Variants in FTCD observed in about 807,000 individuals in gnomAD.
The protein encoded by FTCD is formimidoyltransferase-cyclodeaminase.
Under a neutral mutation model 62.9 loss-of-function variants are expected in FTCD, and 76 were observed. The observed-to-expected ratio is 1.21, with a 90% confidence interval of 1.00 to 1.46. The LOEUF (loss-of-function observed/expected upper bound fraction) is 1.46. Among genes scored for constraint, FTCD ranks in the 40% most tolerant of loss-of-function variants. The pLI is 0.00. For missense variants in FTCD, 845 were observed against 751.3 expected (o/e 1.12, Z -1.46); for synonymous variants, 397 against 336.9 (o/e 1.18, Z -1.95).
intron 10 of FTCD, among the ~76,000 whole-genome samples, chr21:46,143,421 A>ACC (rs2079062610): frequency 6.6e-6 from 1 of 151,258 alleles, no homozygotes; most frequent in African/African-American, 2.4e-5. Flanking sequence ...CAGGCAAGAG[A>ACC]CCGAGGGCAC....
At chr21:46,147,417 G>A (rs375468056) in intron 7 of FTCD, among the ~76,000 whole-genome samples, 1 of 152,312 alleles carries the variant, frequency 6.6e-6, no homozygotes. Context: ...GCTTCAGGGG[G>A]TCCTGTGAGG....
rs1186854761 is a variant in FTCD at position 46,137,337 on chromosome 21, G to A, written c.1444-3C>T. On this transcript the variant is annotated splice_region_variant and splice_polypyrimidine_tract_variant and intron_variant, in intron 12 of 13. Transcript: ENST00000397746. ...ATCTCCAGGGCTTTGGCCGCCACCT[G>A]CAAGGACCCCAGGGAGCCCCTACAT... 27 of 1,610,386 alleles carry A rather than the reference G, an allele frequency of 1.7e-5. No homozygotes were observed. The highest frequency in any genetic ancestry group is 2.3e-5 in the Non-Finnish European group (27 of 1,177,260).
At position 46,142,800 on chromosome 21, in the gene FTCD, C is replaced by CG. The variant is rs2079050943; in HGVS notation, c.1260+2616_1260+2617insC. On this transcript the variant is annotated intron_variant, in intron 10 of 13. Coordinates refer to ENST00000397746, the MANE Select transcript of FTCD (RefSeq NM_206965.2). The stretch of plus-strand genomic sequence containing the variant: ...CCACTTTACAGAGTGCTGATTGGTC[C>CG]ATTTTACAGAGTGCTGATTGGTCCG... The CG allele has an allele frequency of 1.9e-4, 29 of 152,272 alleles. 1 individual carries two copies. The highest frequency in any genetic ancestry group is 1.4e-3 in the Admixed American group (21 of 15,292). The allele number at this position is 152,272 out of a possible 1,614,324, so 9.4% of individuals were successfully genotyped here.
In FTCD at chr21:46,152,959, C is replaced by T; in HGVS notation, c.315G>A (p.Val105=). 6.4e-7 allele frequency: 1 copy of T among 1,561,608 alleles called. No individual in the cohort carries two copies. ...TCTGGCCAAAGGCCTGGGCGCAGAG[C>T]ACACACTCATCCACGCTGACGCCCC... ...PVRGVSVDEC[V]LCAQAFGQRL... Residue 105 remains valine, a synonymous_variant, in exon 3 of 14, where the codon GTG becomes GTA. Coordinates refer to ENST00000397746, the MANE Select transcript of FTCD (RefSeq NM_206965.2).
intron 7 of FTCD, chr21:46,146,577 G>T (rs2079153089): frequency 1.7e-6 from 1 of 580,334 alleles, no homozygotes; most frequent in African/African-American, 1.9e-5. Flanking sequence ...TTGCCCTTGG[G>T]GAACCTGAGG....
Position 46,145,464 on chromosome 21 carries a change from G to C in FTCD, c.1213C>G (p.Leu405Val), listed in dbSNP as rs1045839801. 21 of 1,560,314 alleles carry C rather than the reference G, an allele frequency of 1.3e-5. No homozygotes were observed. The highest frequency in any genetic ancestry group is 1.7e-5 in the Non-Finnish European group (20 of 1,153,168). Residue 405 changes from leucine to valine, a missense_variant, in exon 10 of 14, where the codon CTA (leucine) becomes GTA (valine). Transcript: ENST00000397746. ...IPPFREASAK[L>V]TTLVDADAEA... ...GCGTCGGCATCCACCAGCGTGGTTA[G>C]CTTGGCCGAAGCCTCGCGGAAGGGC...
In FTCD at chr21:46,150,566, C is replaced by T. The variant is rs772426841; in HGVS notation, c.637-41G>A. 1.2e-5 allele frequency: 20 copies of T among 1,609,964 alleles called. No homozygotes were observed. The Admixed American group carries it at 2.5e-4, about 20-fold the overall frequency. ...GTTCCCCAGCCTGGACTAGGAAGCT[C>T]ATCCTGCCTGGCCCTGCCAGTCTCT... On this transcript the variant is annotated intron_variant, in intron 5 of 13. Coordinates refer to ENST00000397746, the MANE Select transcript of FTCD (RefSeq NM_206965.2).
rs1272863849 is a variant in FTCD at position 46,136,989 on chromosome 21, A to C, written c.1624T>G (p.Ter542GlyextTer37). ...VLDCLETRQE[*>G] is the part of the protein sequence containing the mutation. ...GCCCGGAGAGGCCTCCCGCACCGTC[A>C]CTCCTGCCGGGTCTCCAAGCAGTCC... Residue 542 changes from the stop codon to glycine (G), a stop_lost, in exon 14 of 14, where the codon TGA (stop) becomes GGA (glycine). Transcript: ENST00000397746. 1.2e-6 allele frequency: 2 copies of C among 1,612,952 alleles called. No homozygotes were observed. Among genetic ancestry groups the C allele is most frequent in the South Asian group, 2.2e-5 (2 of 91,060 alleles).
At chr21:46,146,953 C>T (rs2079162519) in intron 7 of FTCD, 1 of 152,680 alleles carries the variant, frequency 6.5e-6, no homozygotes, top group Admixed American at 6.5e-5. Context: ...AACCAGCAAG[C>T]CACAAGGCAA....
Position 46,153,142 on chromosome 21 carries a change from C to T in FTCD, c.239-107G>A, listed in dbSNP as rs568573442. Reference sequence around the variant, plus strand: ...CTCTCCGGCCTGGGCAGCCCCCAGTCCACACACCCAGCAAGCTGCTCACAC... The same window carrying T: ...CTCTCCGGCCTGGGCAGCCCCCAGTTCACACACCCAGCAAGCTGCTCACAC... On this transcript the variant is annotated intron_variant, in intron 2 of 13. Coordinates refer to ENST00000397746, the MANE Select transcript of FTCD (RefSeq NM_206965.2). 615 of 1,206,206 alleles carry T rather than the reference C, an allele frequency of 5.1e-4. 11 individuals carry two copies. The South Asian group carries it at 8.9e-3, about 17-fold the overall frequency. 74.7% of individuals were successfully genotyped at this position (1,206,206 alleles called of 1,614,324 possible).
rs1297459886 is a variant in FTCD, at chr21:46,136,909, C to G, written c.*78G>C. The G allele has an allele frequency of 2.5e-6, 4 of 1,603,434 alleles. No homozygotes were observed. In the African/African-American group the frequency reaches 4.0e-5, roughly 16 times the overall value. On this transcript the variant is annotated 3_prime_UTR_variant, in exon 14 of 14. Transcript: ENST00000397746. ...CGGGCCCCACACGAACAAGCTGTGT[C>G]CCCACCGAGGTCACAGCTCTGCCCT...
At chr21:46,152,461 G>C (rs1385104375) in intron 3 of FTCD, 1 of 200,820 alleles carries the variant, frequency 5.0e-6, no homozygotes, top group Non-Finnish European at 1.0e-5. Context: ...ACCGTGACGG[G>C]GGTTACGTGT....
chr21:46,138,996 G>T, intron 10 of FTCD, 73 bp from the exon 11 acceptor site: 4 of 1,145,574 alleles, frequency 3.5e-6, no homozygotes, highest in Non-Finnish European at 5.3e-6. Flanking sequence ...GCTCCCACAA[G>T]GGGCTGTAGC....
chr21:46,151,086 C>T (rs1432732105), intron 5 of FTCD, among the ~76,000 whole-genome samples: 1 of 152,192 alleles, frequency 6.6e-6, no homozygotes, highest in Non-Finnish European at 1.5e-5. Flanking sequence ...CAGGTGGTCC[C>T]CCCCGCTTTC....
Position 46,146,344 on chromosome 21 carries a change from G to A in FTCD, c.907-17C>T. 6.4e-7 allele frequency: 1 copy of A among 1,574,706 alleles called. No homozygotes were observed. On this transcript the variant is annotated splice_polypyrimidine_tract_variant and intron_variant, in intron 7 of 13. Transcript: ENST00000397746. The stretch of plus-strand genomic sequence containing the variant: ...GCTCACCACCTGGAAAAGGGGCTTG[G>A]AGTGGAAACGGCCTCGGCGCGTCTC...
intron 10 of FTCD, chr21:46,142,411 CAGTG>C (rs1476639025): frequency 6.7e-6 from 1 of 150,366 alleles, no homozygotes; most frequent in Non-Finnish European, 1.5e-5. Context: ...CCGACCTTCA[CAGTG>C]AGCGTTAAGC....
chr21:46,140,337 G>A (rs368056003), intron 10 of FTCD, among the ~76,000 whole-genome samples: 1 of 149,772 alleles, frequency 6.7e-6, no homozygotes, highest in Non-Finnish European at 1.5e-5. Context: ...TTGCTCAGAG[G>A]GAGTGTAAAC....
chr21:46,152,653 G>A, intron 3 of FTCD: 1 of 432,238 alleles, frequency 2.3e-6, no homozygotes, highest in Non-Finnish European at 4.1e-6. Flanking sequence ...TAGAAGGCGT[G>A]GACTTTAAGG....
chr21:46,147,456 T>A (rs1358649345), intron 7 of FTCD, among the ~76,000 whole-genome samples: 1 of 152,066 alleles, frequency 6.6e-6, no homozygotes, highest in Non-Finnish European at 1.5e-5. Flanking sequence ...GCACAAACCC[T>A]CCTTGGAGGA....
Sources: gnomAD v4.1 joint callset for allele counts (sites outside exome capture counted in the v4.1 genomes callset) on GRCh38, gnomAD v4.1.1 for gene constraint, MANE v1.5 for transcripts, NCBI Gene and HGNC (gene_info 2026-07-23, HGNC 2026-07-21) for gene names.